The following OSBPL8 variants were observed in gnomAD, a reference collection of about 807,000 sequenced individuals.
OSBPL8 encodes the protein oxysterol-binding protein-related protein 8.
OSBPL8 carries 59 observed loss-of-function variants against 125.5 expected under a neutral mutation model. The ratio of observed to expected loss-of-function variants is 0.47; its 90% confidence interval spans 0.38 to 0.58. The LOEUF is 0.58. OSBPL8 is among the 20% of genes least tolerant of loss of function. The pLI, the probability that OSBPL8 is intolerant of heterozygous loss-of-function variation, is 0.00. For synonymous variants in OSBPL8, 330 were observed against 338.9 expected (o/e 0.97, Z 0.29); for missense variants, 758 against 1,047.8 (o/e 0.72, Z 3.82).
At chr12:76,505,328 A>G (rs1488625756) in intron 1 of OSBPL8, among the ~76,000 whole-genome samples, 3 of 152,172 alleles carry the variant, frequency 2.0e-5, no homozygotes, top group Non-Finnish European at 2.9e-5. Context: ...ATCAGCAGCA[A>G]TGACTAACCT....
In OSBPL8 at chr12:76,353,449, T is replaced by C. The variant is rs1164008873; in HGVS notation, c.*2440A>G. 1 of 151,806 alleles carries C rather than the reference T, an allele frequency of 6.6e-6. No homozygotes were observed. The highest frequency in any genetic ancestry group is 2.4e-5 in the African/African-American group (1 of 41,392). 9.4% of individuals were successfully genotyped at this position (151,806 alleles called of 1,614,324 possible). On this transcript the variant is annotated 3_prime_UTR_variant, in exon 24 of 24. Coordinates refer to ENST00000261183, the MANE Select transcript of OSBPL8 (RefSeq NM_020841.5). ...TTCATGTAGGAAAATAAAATCTTGG[T>C]AAATGAAAAAAACTGGTCATAAGGT...
intron 18 of OSBPL8, among the ~76,000 whole-genome samples, chr12:76,372,539 C>G (rs973752722): frequency 1.3e-5 from 2 of 151,924 alleles, no homozygotes; most frequent in Non-Finnish European, 2.9e-5. Flanking sequence ...CCAGAAGACT[C>G]TCAGATTTAA....
chr12:76,416,866 T>C lies in OSBPL8; in HGVS notation c.218-6232A>G, dbSNP rs994016992. ...TCCCATACTCTATTGTCCTCTACTA[T>C]CTTGTCTTCTATTTATTATAAACTA... On this transcript the variant is annotated intron_variant, in intron 4 of 23. Transcript: ENST00000261183. Among the ~76,000 whole-genome samples, 19 of 152,268 alleles carry C rather than the reference T, an allele frequency of 1.2e-4. No individual in the cohort carries two copies. In the East Asian group the frequency reaches 3.7e-3, roughly 29 times the overall value.
chr12:76,395,550 G>A (rs1056379369), intron 8 of OSBPL8, among the ~76,000 whole-genome samples: 2 of 111,356 alleles, frequency 1.8e-5, no homozygotes, highest in Non-Finnish European at 1.8e-5. Flanking sequence ...AACAAATACC[G>A]TAATAATCTG....
At chr12:76,502,351 G>A (rs1326010671) in intron 1 of OSBPL8, among the ~76,000 whole-genome samples, 2 of 152,156 alleles carry the variant, frequency 1.3e-5, no homozygotes, top group Non-Finnish European at 2.9e-5. Flanking sequence ...AGAGAGGAAT[G>A]CCTTCACCAG....
chr12:76,551,299 C>G (rs4444122), intron 1 of OSBPL8, among the ~76,000 whole-genome samples: 114,049 of 152,090 alleles, frequency 0.75, 43,138 homozygotes, highest in East Asian at 0.92. Context: ...ATCTTTAAAG[C>G]AGTAGTTCTC....
At chr12:76,456,959 T>C (rs1205106851) in intron 3 of OSBPL8, among the ~76,000 whole-genome samples, 1 of 152,206 alleles carries the variant, frequency 6.6e-6, no homozygotes, top group Non-Finnish European at 1.5e-5. Context: ...TGTAATGTCA[T>C]GGCCTTTGTC....
Position 76,351,826 on chromosome 12 carries a change from GC to G in OSBPL8, c.*4062del, listed in dbSNP as rs1281561617. 2.6e-5 allele frequency: 4 copies of G among 152,132 alleles called. No homozygotes were observed. Among genetic ancestry groups the G allele is most frequent in the African/African-American group, 4.8e-5 (2 of 41,426 alleles). The allele number at this position is 152,132 out of a possible 1,614,324, so 9.4% of individuals were successfully genotyped here. A position where few individuals can be genotyped will look rare whatever the true frequency, so the allele number is the denominator to read the frequency against. On this transcript the variant is annotated 3_prime_UTR_variant, in exon 24 of 24. Transcript: ENST00000261183. ...CTCTTTTTAAAAATTTTATTTAGAA[GC>G]CTACTTGTAGAAGTTAGCATAATTT...
Position 76,358,760 on chromosome 12 carries a change from C to A in OSBPL8, c.2380G>T (p.Ala794Ser). ...GGTTCTGGGGAGGAATAGCCTTTTGCTACTTTCTTCTGTTGCCTGGTTGGC... is the reference window on the plus strand; with the variant it reads ...GGTTCTGGGGAGGAATAGCCTTTTGATACTTTCTTCTGTTGCCTGGTTGGC... ...HKPTRQQKKV[A>S]KGYSSPEPDI... is the part of the protein sequence containing the mutation. Residue 794 changes from alanine (A) to serine (S), a missense_variant, in exon 22 of 24, where the codon GCA (alanine) becomes TCA (serine). Ala to Ser is a moderately conservative substitution (Grantham distance 99). Coordinates refer to ENST00000261183, the MANE Select transcript of OSBPL8 (RefSeq NM_020841.5). 6.2e-7 allele frequency: 1 copy of A among 1,614,062 alleles called. No individual in the cohort carries two copies. The highest frequency in any genetic ancestry group is 1.3e-5 in the African/African-American group (1 of 75,034).
intron 1 of OSBPL8, among the ~76,000 whole-genome samples, chr12:76,541,723 T>G (rs1195357669): frequency 3.3e-5 from 5 of 150,130 alleles, no homozygotes; most frequent in Admixed American, 6.6e-5. Context: ...GGCTTGGTGG[T>G]GGGTGCCTGT....
chr12:76,400,541 T>C (rs1352227345), intron 6 of OSBPL8, among the ~76,000 whole-genome samples: 1 of 152,188 alleles, frequency 6.6e-6, no homozygotes, highest in Non-Finnish European at 1.5e-5. Flanking sequence ...GGTCGAATGG[T>C]AGTTCTGTCT....
At chr12:76,382,583 C>A (rs1024881685) in intron 15 of OSBPL8, among the ~76,000 whole-genome samples, 4 of 152,032 alleles carry the variant, frequency 2.6e-5, no homozygotes, top group Non-Finnish European at 4.4e-5. Context: ...CAATATTAAT[C>A]TTTAAAATGT....
chr12:76,415,906 T>C (rs1336324659), intron 4 of OSBPL8, among the ~76,000 whole-genome samples: 2 of 152,198 alleles, frequency 1.3e-5, no homozygotes, highest in Non-Finnish European at 2.9e-5. Flanking sequence ...TGTGTGTATT[T>C]TCTGTTCCAT....
rs1256787844 is a variant in OSBPL8 at position 76,399,905 on chromosome 12, G to A, written c.436C>T (p.Pro146Ser). 1 of 1,603,112 alleles carries A rather than the reference G, an allele frequency of 6.2e-7. No homozygotes were observed. Among genetic ancestry groups the A allele is most frequent in the African/African-American group, 1.4e-5 (1 of 73,870 alleles). Reference protein sequence around the residue: ...TKELLSTITDPSVIVMADWLK... With the variant: ...TKELLSTITDSSVIVMADWLK... ...CAATCAGCCATAACAATAACAGAAGGATCTGTGATTGTACTGAGCAGCTCC... is the reference window on the plus strand; with the variant it reads ...CAATCAGCCATAACAATAACAGAAGAATCTGTGATTGTACTGAGCAGCTCC... The change falls in exon 7 of 24, where the codon CCT becomes TCT. Residue 146 changes from proline (P) to serine (S), a missense_variant. Pro to Ser is a moderately conservative substitution (Grantham distance 74). This residue lies in a region of OSBPL8 where 69 missense variants were observed against 148.7 expected (regional missense o/e 0.46). Transcript: ENST00000261183.
intron 1 of OSBPL8, among the ~76,000 whole-genome samples, chr12:76,508,594 G>A (rs866372374): frequency 1.3e-5 from 2 of 152,198 alleles, no homozygotes; most frequent in Non-Finnish European, 2.9e-5. Context: ...AGATACAGGT[G>A]ATAAAGACCT....
chr12:76,428,676 A>C (rs747479258), intron 4 of OSBPL8, among the ~76,000 whole-genome samples: 4 of 152,098 alleles, frequency 2.6e-5, no homozygotes, highest in Non-Finnish European at 4.4e-5. Flanking sequence ...GAATTTAAGA[A>C]AGTACTACGT....
In OSBPL8 at chr12:76,544,720, G is replaced by T. The variant is rs180703317; in HGVS notation, c.-68+14677C>A. Among the ~76,000 whole-genome samples the T allele has an allele frequency of 1.1e-3, 162 of 152,104 alleles. 1 individual carries two copies. Among genetic ancestry groups the T allele is most frequent in the Non-Finnish European group, 1.2e-3 (80 of 67,978 alleles). On this transcript the variant is annotated intron_variant, in intron 1 of 23. Coordinates refer to ENST00000261183, the MANE Select transcript of OSBPL8 (RefSeq NM_020841.5). ...GGTCTAATATAAACAACATGGCTTG[G>T]GTGGCAGTATGTTATACTAAAAGAA...
chr12:76,460,227 A>G (rs1256399180), intron 2 of OSBPL8, among the ~76,000 whole-genome samples: 1 of 152,200 alleles, frequency 6.6e-6, no homozygotes, highest in Non-Finnish European at 1.5e-5. Flanking sequence ...AAGATATGTT[A>G]GTAAAGGTAA....
intron 4 of OSBPL8, among the ~76,000 whole-genome samples, chr12:76,414,965 C>T (rs1375791277): frequency 1.3e-5 from 2 of 152,122 alleles, no homozygotes; most frequent in Non-Finnish European, 2.9e-5. Context: ...CCAACTTAGT[C>T]ATAACGCATT....
Sources: allele counts gnomAD v4.1 joint callset (sites outside exome capture counted in the v4.1 genomes callset), GRCh38; gene constraint gnomAD v4.1.1; regional missense constraint gnomAD v4.1.1; transcripts MANE v1.5; gene names NCBI Gene and HGNC (gene_info 2026-07-23, HGNC 2026-07-21).